The following LRMDA variants were observed in gnomAD, a reference collection of about 807,000 sequenced individuals.
LRMDA encodes leucine-rich melanocyte differentiation-associated protein.
LRMDA carries 18 observed loss-of-function variants against 29.8 expected under a neutral mutation model. That is an observed-to-expected ratio of 0.60 (90% CI 0.42 to 0.90). The LOEUF (loss-of-function observed/expected upper bound fraction) is 0.90, where lower values mean the gene tolerates loss of function less well. Among genes scored for constraint, LRMDA ranks in the 40% least tolerant of loss-of-function variants. The pLI, the probability that LRMDA is intolerant of heterozygous loss-of-function variation, is 0.00. For missense variants in LRMDA, 273 were observed against 273.9 expected, an observed-to-expected ratio of 1.00 and a Z score of 0.02; for synonymous variants, 125 against 109.4, an observed-to-expected ratio of 1.14 and a Z score of -0.89.
chr10:76,308,077 C>T (rs1439462422), intron 5 of LRMDA, among the ~76,000 whole-genome samples: 2 of 152,164 alleles, frequency 1.3e-5, no homozygotes. Context: ...CATTTTCTGA[C>T]AGTCTCTCTG....
At chr10:75,823,997 A>G (rs1844209399) in intron 2 of LRMDA, among the ~76,000 whole-genome samples, 1 of 152,048 alleles carries the variant, frequency 6.6e-6, no homozygotes, top group South Asian at 2.1e-4. Flanking sequence ...ATATGGTAGG[A>G]GGATTTCGGG....
At chr10:75,651,494 C>T (rs1303459942) in intron 2 of LRMDA, among the ~76,000 whole-genome samples, 1 of 152,232 alleles carries the variant, frequency 6.6e-6, no homozygotes. Context: ...ACAACAAGCT[C>T]ATTTATTCAT....
chr10:76,065,240 C>T (rs1848764276), intron 5 of LRMDA, among the ~76,000 whole-genome samples: 2 of 152,210 alleles, frequency 1.3e-5, no homozygotes, highest in South Asian at 2.1e-4. Context: ...GAGTATTGCT[C>T]TTTGGAGGCG....
chr10:76,475,016 A>G (rs1031762907), intron 6 of LRMDA, among the ~76,000 whole-genome samples: 7 of 151,970 alleles, frequency 4.6e-5, no homozygotes, highest in Middle Eastern at 3.4e-3. Flanking sequence ...TTACAGTAGA[A>G]TATTTGGCAA....
intron 5 of LRMDA, among the ~76,000 whole-genome samples, chr10:76,144,247 A>T (rs1445538585): frequency 6.6e-6 from 1 of 152,188 alleles, no homozygotes; most frequent in Non-Finnish European, 1.5e-5. Flanking sequence ...TGGTAGCTTG[A>T]TGGAGATGGC....
chr10:76,026,841 A>G (rs1016800196), intron 2 of LRMDA, among the ~76,000 whole-genome samples: 1 of 152,226 alleles, frequency 6.6e-6, no homozygotes, highest in Admixed American at 6.5e-5. Context: ...TCTGATCTCT[A>G]TGAAGAAATT....
At chr10:75,551,475 C>A (rs184017758) in intron 2 of LRMDA, among the ~76,000 whole-genome samples, 2 of 151,990 alleles carry the variant, frequency 1.3e-5, no homozygotes, top group East Asian at 3.9e-4. Context: ...CTAATGCTAC[C>A]CCTCCCCTAG....
chr10:75,669,330 T>G (rs1841863559), intron 2 of LRMDA, among the ~76,000 whole-genome samples: 1 of 152,042 alleles, frequency 6.6e-6, no homozygotes, highest in Non-Finnish European at 1.5e-5. Context: ...GGGAAGTGGG[T>G]AAAGGAATGG....
At chr10:76,007,021 TGTGTGTGTGTGC>T (rs60462932) in intron 2 of LRMDA, among the ~76,000 whole-genome samples, 10,437 of 48,506 alleles carry the variant, frequency 0.22, 643 homozygotes, top group South Asian at 0.41. Context: ...TGTGTGTGTG[TGTGTGTGTGTGC>T]GCGTGTGTGT....
chr10:76,124,415 G>C (rs765474866), intron 5 of LRMDA, among the ~76,000 whole-genome samples: 1 of 152,166 alleles, frequency 6.6e-6, no homozygotes, highest in Non-Finnish European at 1.5e-5. Flanking sequence ...CTTTTCTCAG[G>C]CTGCCTTTCT....
chr10:75,661,840 C>CA (rs1354437619), intron 2 of LRMDA, among the ~76,000 whole-genome samples: 1 of 151,784 alleles, frequency 6.6e-6, no homozygotes, highest in African/African-American at 2.4e-5. Flanking sequence ...AATTCTACTC[C>CA]AAAAAAATGG....
At chr10:75,657,335 A>G (rs952208660) in intron 2 of LRMDA, among the ~76,000 whole-genome samples, 1 of 152,238 alleles carries the variant, frequency 6.6e-6, no homozygotes, top group Admixed American at 6.5e-5. Flanking sequence ...AGATGGTGGC[A>G]TTTGAGCTGA....
chr10:75,512,357 AT>A (rs56982317), intron 2 of LRMDA, among the ~76,000 whole-genome samples: 2,793 of 145,056 alleles, frequency 0.019, 80 homozygotes, highest in African/African-American at 0.062. Flanking sequence ...GTGAGCTGTT[AT>A]TTTTTTTTTT....
At chr10:76,155,104 CAA>C (rs1425721659) in intron 5 of LRMDA, among the ~76,000 whole-genome samples, 1 of 152,100 alleles carries the variant, frequency 6.6e-6, no homozygotes, top group East Asian at 1.9e-4. Flanking sequence ...TTTTGGAGAA[CAA>C]CCAGCAGTCT....
intron 2 of LRMDA, among the ~76,000 whole-genome samples, chr10:75,766,871 C>T (rs1843176090): frequency 6.6e-6 from 1 of 152,134 alleles, no homozygotes; most frequent in Admixed American, 6.5e-5. Flanking sequence ...TCAACTCCCA[C>T]TTATGAATGA....
At chr10:75,943,158 T>C (rs1240282283) in intron 2 of LRMDA, among the ~76,000 whole-genome samples, 2 of 150,612 alleles carry the variant, frequency 1.3e-5, no homozygotes, top group Non-Finnish European at 2.9e-5. Flanking sequence ...CCACTGATGT[T>C]TTCAGCAAAA....
In LRMDA at chr10:75,806,618, T is replaced by C. The variant is rs559533385; in HGVS notation, c.132-229390T>C. Among the ~76,000 whole-genome samples the C allele has an allele frequency of 1.5e-3, 226 of 151,898 alleles. 1 individual carries two copies. Among genetic ancestry groups the C allele is most frequent in the African/African-American group, 5.2e-3 (217 of 41,434 alleles). On this transcript the variant is annotated intron_variant, in intron 2 of 6. Transcript: ENST00000611255. ...GGGTGATTGATCGGGATAAAGTTGATCATCTGTCTGTTAAAGTTCTTTTTT... is the reference window on the plus strand; with the variant it reads ...GGGTGATTGATCGGGATAAAGTTGACCATCTGTCTGTTAAAGTTCTTTTTT...
intron 5 of LRMDA, among the ~76,000 whole-genome samples, chr10:76,059,638 C>T (rs868703135): frequency 1.3e-5 from 2 of 152,280 alleles, no homozygotes; most frequent in Admixed American, 6.5e-5. Flanking sequence ...AATGCTGGCA[C>T]TGATATCCTA....
rs1213778455 is a variant in LRMDA, at chr10:76,288,754, A to G, written c.517-35647A>G. Among the ~76,000 whole-genome samples, 3 of 152,186 alleles carry G rather than the reference A, an allele frequency of 2.0e-5. No individual in the cohort carries two copies. The East Asian group carries it at 5.8e-4, about 29-fold the overall frequency. ...AACCCCAAACCCCTCAATGTTAGTT[A>G]CTACAATATAAGGAGAAACTGTGGT... is the stretch of plus-strand genomic sequence containing the variant. On this transcript the variant is annotated intron_variant, in intron 5 of 6. Transcript: ENST00000611255.
Sources: gnomAD v4.1 joint callset for allele counts (sites outside exome capture counted in the v4.1 genomes callset) on GRCh38, gnomAD v4.1.1 for gene constraint, MANE v1.5 for transcripts, NCBI Gene and HGNC (gene_info 2026-07-23, HGNC 2026-07-21) for gene names.